Variants in SEC11A observed in about 807,000 individuals in gnomAD.
The protein encoded by SEC11A is SEC11 homolog A, signal peptidase complex subunit.
SEC11A carries 14 observed loss-of-function variants against 25.6 expected under a neutral mutation model. The observed-to-expected ratio is 0.55, with a 90% CI of 0.36 to 0.85. The LOEUF is 0.85. SEC11A is among the 40% of genes least tolerant of loss of function. The pLI is 0.01. For missense variants in SEC11A, 153 were observed against 222.9 expected (o/e 0.69, Z 2.00); for synonymous variants, 83 against 76.4 (o/e 1.09, Z -0.45).
chr15:84,701,756 T>C (rs1487121901), intron 1 of SEC11A, among the ~76,000 whole-genome samples: 4 of 148,390 alleles, frequency 2.7e-5, no homozygotes, highest in Non-Finnish European at 6.0e-5. Context: ...CAAGCTGGAG[T>C]GGTTGCATTA....
chr15:84,677,303 C>T (rs1897160025), intron 4 of SEC11A, among the ~76,000 whole-genome samples: 1 of 151,832 alleles, frequency 6.6e-6, no homozygotes, highest in Admixed American at 6.6e-5. Flanking sequence ...AGTTAAGATT[C>T]TGTGCTTCTG....
intron 1 of SEC11A, among the ~76,000 whole-genome samples, chr15:84,702,062 T>A (rs1257976306): frequency 6.6e-6 from 1 of 151,166 alleles, no homozygotes; most frequent in Non-Finnish European, 1.5e-5. Context: ...CGAGAGTCTG[T>A]CTCAATAACA....
intron 1 of SEC11A, among the ~76,000 whole-genome samples, chr15:84,712,235 T>C (rs1898296335): frequency 9.7e-6 from 1 of 102,898 alleles, no homozygotes; most frequent in Admixed American, 8.9e-5. Context: ...GAGAGAGACC[T>C]TGTCTTAAAA....
chr15:84,703,662 T>C (rs994428679), intron 1 of SEC11A, among the ~76,000 whole-genome samples: 1 of 152,158 alleles, frequency 6.6e-6, no homozygotes, highest in African/African-American at 2.4e-5. Context: ...TTTGCCTGGA[T>C]GGAGAGATGA....
At chr15:84,694,219 G>A (rs1897692760) in intron 1 of SEC11A, among the ~76,000 whole-genome samples, 1 of 151,988 alleles carries the variant, frequency 6.6e-6, no homozygotes, top group Admixed American at 6.6e-5. Context: ...GCTGGGTGTG[G>A]TGGGACATGC....
intron 1 of SEC11A, among the ~76,000 whole-genome samples, chr15:84,695,163 T>TA (rs34396879): frequency 1.1e-4 from 13 of 113,952 alleles, no homozygotes; most frequent in Admixed American, 6.4e-4. Context: ...TGCGGATGAT[T>TA]AAAAAAAAAT....
Position 84,680,854 on chromosome 15 carries a change from C to G in SEC11A, c.312-22G>C, listed in dbSNP as rs1471874581. On this transcript the variant is annotated intron_variant, in intron 3 of 5. Coordinates refer to ENST00000268220, the MANE Select transcript of SEC11A (RefSeq NM_014300.4). ...TTGCCTTAAAAGAGTAAAGGAAACCCAAGTCATCAAATACCTTCATGGCAT... is the reference window on the plus strand; with the variant it reads ...TTGCCTTAAAAGAGTAAAGGAAACCGAAGTCATCAAATACCTTCATGGCAT... The G allele has an allele frequency of 1.9e-6, 3 of 1,581,446 alleles. No homozygotes were observed. In the South Asian group the frequency reaches 3.5e-5, roughly 18 times the overall value.
chr15:84,691,550 A>G lies in SEC11A; in HGVS notation c.146T>C (p.Ile49Thr). ...LMVITGSESP[I>T]VVVLSGSMEP... ...AAACTGTTACCTGAGCACCACTACA[A>G]TCGGACTTTCACTTCCAGTTATTAC... is the stretch of plus-strand genomic sequence containing the variant. The change falls in exon 2 of 6, where the codon ATT becomes ACT. Residue 49 changes from isoleucine to threonine, a missense_variant. By Grantham distance (89) the Ile-to-Thr change is moderately conservative (BLOSUM62 -1). Transcript: ENST00000268220. The G allele has an allele frequency of 6.2e-7, 1 of 1,604,894 alleles. No homozygotes were observed. The highest frequency in any genetic ancestry group is 1.7e-5 in the Admixed American group (1 of 59,920).
intron 2 of SEC11A, among the ~76,000 whole-genome samples, chr15:84,689,444 T>C (rs1244455901): frequency 5.9e-5 from 9 of 152,148 alleles, no homozygotes; most frequent in Admixed American, 5.2e-4. Context: ...GTAATCTAAG[T>C]ACTATTACTT....
intron 5 of SEC11A, 102 bp from the exon 6 acceptor site, chr15:84,670,171 T>C: frequency 2.0e-6 from 2 of 996,986 alleles, no homozygotes; most frequent in Non-Finnish European, 2.9e-6. Context: ...ATCGCTAAAC[T>C]ACCCAATTAT....
At position 84,708,818 on chromosome 15, in the gene SEC11A, G is replaced by A. The variant is rs115714669; in HGVS notation, c.51+7207C>T. 5.4e-3 allele frequency among the ~76,000 whole-genome samples: 815 copies of A among 152,040 alleles called. 10 individuals carry two copies. Among genetic ancestry groups the A allele is most frequent in the African/African-American group, 0.019 (772 of 41,468 alleles). On this transcript the variant is annotated intron_variant, in intron 1 of 5. Transcript: ENST00000268220. ...AAAAAAAATGAAAAGAAAAGAAAAA[G>A]CTATCTAGAAATCGTTAAGATATCA... is the stretch of plus-strand genomic sequence containing the variant.
rs966910769 is a variant in SEC11A, at chr15:84,687,860, A to G, written c.162-86T>C. On this transcript the variant is annotated intron_variant, in intron 2 of 5. Transcript: ENST00000268220. ...AATTAGATATTCAACAAAATAAAAA[A>G]TATCACTTTGGGAGTATACTCAATA... The G allele has an allele frequency of 1.2e-5, 14 of 1,184,064 alleles. No individual in the cohort carries two copies. In the African/African-American group the frequency reaches 1.9e-4, roughly 16 times the overall value. 73.3% of individuals were successfully genotyped at this position (1,184,064 alleles called of 1,614,324 possible).
intron 4 of SEC11A, among the ~76,000 whole-genome samples, chr15:84,677,257 C>T (rs1372629383): frequency 6.6e-6 from 1 of 151,680 alleles, no homozygotes; most frequent in Non-Finnish European, 1.5e-5. Context: ...GTGTCAAGCT[C>T]AGTAGAGGTA....
Position 84,687,605 on chromosome 15 carries a change from A to T in SEC11A, c.311+20T>A, listed in dbSNP as rs56681383. 8.3e-4 allele frequency: 1,282 copies of T among 1,548,492 alleles called. 8 individuals carry two copies. The African/African-American group carries it at 0.016, about 20-fold the overall frequency. On this transcript the variant is annotated intron_variant, in intron 3 of 5. Transcript: ENST00000268220. The stretch of plus-strand genomic sequence containing the variant: ...TAAACAAAAGCACTTAGAAACAAAG[A>T]TGCTATACTTTGCACATACTTTTCA...
Position 84,701,864 on chromosome 15 carries a change from C to T in SEC11A, c.52-10220G>A, listed in dbSNP as rs376522428. Among the ~76,000 whole-genome samples the T allele has an allele frequency of 1.4e-3, 211 of 150,380 alleles. 2 individuals are homozygous for T. The highest frequency in any genetic ancestry group is 4.9e-3 in the African/African-American group (199 of 40,946). On this transcript the variant is annotated intron_variant, in intron 1 of 5. Transcript: ENST00000268220. ...GTGGGCGGATCACAGGTCAAGAGAT[C>T]GAGACCATCCTGGCCAACATGGTGA...
intron 1 of SEC11A, among the ~76,000 whole-genome samples, chr15:84,702,217 T>C (rs181689367): frequency 1.3e-5 from 2 of 151,792 alleles, no homozygotes; most frequent in East Asian, 3.9e-4. Context: ...TCCCAGCACT[T>C]TGGGAGGCCG....
At chr15:84,702,155 C>T (rs1052112507) in intron 1 of SEC11A, among the ~76,000 whole-genome samples, 1 of 150,492 alleles carries the variant, frequency 6.6e-6, no homozygotes, top group Non-Finnish European at 1.5e-5. Flanking sequence ...ACTAATAACC[C>T]GGCTAATTTT....
chr15:84,683,542 A>G (rs1897332808), intron 3 of SEC11A, among the ~76,000 whole-genome samples: 1 of 151,996 alleles, frequency 6.6e-6, no homozygotes, highest in African/African-American at 2.4e-5. Context: ...TCTGGTGGCA[A>G]CCGGCTCTTA....
At chr15:84,711,625 C>G (rs962235444) in intron 1 of SEC11A, among the ~76,000 whole-genome samples, 17 of 151,900 alleles carry the variant, frequency 1.1e-4, no homozygotes, top group African/African-American at 4.1e-4. Flanking sequence ...CAAGACAAGC[C>G]TGGCCAACAT....
Sources: gnomAD v4.1 joint callset for allele counts (sites outside exome capture counted in the v4.1 genomes callset) on GRCh38, gnomAD v4.1.1 for gene constraint, MANE v1.5 for transcripts, NCBI Gene and HGNC (gene_info 2026-07-23, HGNC 2026-07-21) for gene names.